Variants in DNAH11 observed in about 807,000 individuals in gnomAD.
The protein encoded by DNAH11 is dynein axonemal heavy chain 11.
DNAH11 carries 442 observed loss-of-function variants against 526.0 expected under a neutral mutation model. The observed-to-expected ratio is 0.84, with a 90% confidence interval of 0.78 to 0.91. The LOEUF is 0.91. Ranked by LOEUF, DNAH11 falls within the 40% of genes least tolerant of loss-of-function variation. DNAH11 has a pLI of 0.00. For missense variants in DNAH11, 6,989 were observed against 5,448.7 expected (o/e 1.28, Z -8.90); for synonymous variants, 2,461 against 1,935.9 (o/e 1.27, Z -7.12).
At chr7:21,631,327 C>G (rs1786596376) in intron 25 of DNAH11, among the ~76,000 whole-genome samples, 1 of 152,092 alleles carries the variant, frequency 6.6e-6, no homozygotes, top group Non-Finnish European at 1.5e-5. Context: ...TGGTCCCTCC[C>G]AAATCATGTC....
chr7:21,789,347 G>A lies in DNAH11; in HGVS notation c.10026+5G>A, dbSNP rs906748024. The A allele has an allele frequency of 1.9e-6, 3 of 1,557,120 alleles. No homozygotes were observed. The highest frequency in any genetic ancestry group is 1.4e-5 in the African/African-American group (1 of 73,212). On this transcript the variant is annotated splice_donor_5th_base_variant and intron_variant, in intron 61 of 81. Coordinates refer to ENST00000409508, the MANE Select transcript of DNAH11 (RefSeq NM_001277115.2). Reference sequence around the variant, plus strand: ...GCTATCAGGAAAAAGCTTGTGGTGAGTGCAAACTATGACATTGAAAAGGTT... The same window carrying A: ...GCTATCAGGAAAAAGCTTGTGGTGAATGCAAACTATGACATTGAAAAGGTT...
chr7:21,749,096 T>G (rs1017557829), intron 52 of DNAH11, among the ~76,000 whole-genome samples: 1 of 152,134 alleles, frequency 6.6e-6, no homozygotes, highest in African/African-American at 2.4e-5. Context: ...AAAAAGACAC[T>G]AACTTCACAA....
chr7:21,857,175 A>G (rs1782884299), intron 68 of DNAH11, among the ~76,000 whole-genome samples: 1 of 152,202 alleles, frequency 6.6e-6, no homozygotes. Context: ...TATACATGAG[A>G]AACAAGTGGA....
chr7:21,850,932 T>C (rs1314820488), intron 66 of DNAH11, among the ~76,000 whole-genome samples: 1 of 152,182 alleles, frequency 6.6e-6, no homozygotes, highest in African/African-American at 2.4e-5. Context: ...GTTGGTAAGG[T>C]ATTATGGAGG....
At chr7:21,800,461 A>G (rs1294187999) in intron 61 of DNAH11, among the ~76,000 whole-genome samples, 1 of 152,004 alleles carries the variant, frequency 6.6e-6, no homozygotes, top group Non-Finnish European at 1.5e-5. Context: ...GCGAAACCTC[A>G]TCTCCACTAA....
At chr7:21,635,500 T>C (rs557312109) in intron 25 of DNAH11, among the ~76,000 whole-genome samples, 4 of 152,102 alleles carry the variant, frequency 2.6e-5, no homozygotes, top group Non-Finnish European at 5.9e-5. Context: ...AATCTTGGCA[T>C]GACTAATAGG....
chr7:21,838,087 G>C (rs1462963390), intron 65 of DNAH11, among the ~76,000 whole-genome samples: 1 of 152,192 alleles, frequency 6.6e-6, no homozygotes, highest in Non-Finnish European at 1.5e-5. Context: ...AAAGCTGCTT[G>C]TGAGATCATT....
intron 35 of DNAH11, among the ~76,000 whole-genome samples, chr7:21,691,768 A>G (rs868560240): frequency 6.6e-5 from 10 of 152,210 alleles, no homozygotes; most frequent in Non-Finnish European, 1.3e-4. Flanking sequence ...GCTCTAAAAT[A>G]GTCCCTCTCA....
At chr7:21,755,274 C>G (rs1786579017) in intron 54 of DNAH11, among the ~76,000 whole-genome samples, 1 of 152,124 alleles carries the variant, frequency 6.6e-6, no homozygotes, top group African/African-American at 2.4e-5. Context: ...ATGCCAAATG[C>G]CTTCTCTCCT....
At chr7:21,550,587 C>G (rs909201303) in intron 2 of DNAH11, among the ~76,000 whole-genome samples, 16 of 152,078 alleles carry the variant, frequency 1.1e-4, no homozygotes, top group Non-Finnish European at 2.1e-4. Context: ...TGGTGATATA[C>G]TTTTGGAGAG....
At chr7:21,611,916 A>G (rs975406814) in intron 20 of DNAH11, among the ~76,000 whole-genome samples, 2 of 152,224 alleles carry the variant, frequency 1.3e-5, no homozygotes, top group Admixed American at 6.5e-5. Flanking sequence ...TTTATAGTGA[A>G]TAACTAGTTA....
intron 46 of DNAH11, among the ~76,000 whole-genome samples, chr7:21,736,254 G>C (rs1785604667): frequency 6.6e-6 from 1 of 152,210 alleles, no homozygotes; most frequent in Admixed American, 6.5e-5. Context: ...ACAGAGCCAA[G>C]AGTCATTAAT....
intron 70 of DNAH11, among the ~76,000 whole-genome samples, chr7:21,865,276 C>T (rs1783228083): frequency 6.6e-6 from 1 of 152,222 alleles, no homozygotes; most frequent in East Asian, 1.9e-4. Context: ...GGAAACATTT[C>T]TGTGCATTGG....
At chr7:21,574,963 C>G (rs1009673888) in intron 8 of DNAH11, among the ~76,000 whole-genome samples, 13 of 146,784 alleles carry the variant, frequency 8.9e-5, no homozygotes, top group African/African-American at 3.3e-4. Context: ...CAACCTCTGC[C>G]TCCCAGGTTC....
rs759084854 is a variant in DNAH11 at position 21,601,381 on chromosome 7, A to C, written c.3426-15A>C. The C allele has an allele frequency of 5.0e-6, 8 of 1,600,768 alleles. No homozygotes were observed. Among genetic ancestry groups the C allele is most frequent in the South Asian group, 2.2e-5 (2 of 89,728 alleles). On this transcript the variant is annotated splice_polypyrimidine_tract_variant and intron_variant, in intron 17 of 81. Transcript: ENST00000409508. Reference sequence around the variant, plus strand: ...ACTTAATTTGTGTGTATCTATGTACATATATATTTAATAGTCTGAATGAGC... The same window carrying C: ...ACTTAATTTGTGTGTATCTATGTACCTATATATTTAATAGTCTGAATGAGC...
rs573325908 is a variant in DNAH11 at position 21,693,502 on chromosome 7, C to G, written c.6041+2621C>G. Among the ~76,000 whole-genome samples, 3 of 152,298 alleles carry G rather than the reference C, an allele frequency of 2.0e-5. No homozygotes were observed. The South Asian group carries it at 6.2e-4, about 32-fold the overall frequency. On this transcript the variant is annotated intron_variant, in intron 35 of 81. Coordinates refer to ENST00000409508, the MANE Select transcript of DNAH11 (RefSeq NM_001277115.2). ...CATCATGAAGTAAGTTGACAAGTGT[C>G]TTCTCTATCTGCTTAAGAGTTTGTG... is the stretch of plus-strand genomic sequence containing the variant.
intron 28 of DNAH11, among the ~76,000 whole-genome samples, chr7:21,654,799 T>C (rs1463688288): frequency 6.6e-6 from 1 of 152,170 alleles, no homozygotes; most frequent in Non-Finnish European, 1.5e-5. Context: ...ACTTCCCTGA[T>C]TAATAAAGTC....
rs375704891 is a variant in DNAH11, at chr7:21,848,036, G to A, written c.10897-4431G>A. ...AAAAAAATTAGCTGGGCGTGGTGGCGGGTGCCTGTAGTCCCAGCTACTCGG... is the reference window on the plus strand; with the variant it reads ...AAAAAAATTAGCTGGGCGTGGTGGCAGGTGCCTGTAGTCCCAGCTACTCGG... On this transcript the variant is annotated intron_variant, in intron 66 of 81. Transcript: ENST00000409508. Among the ~76,000 whole-genome samples the A allele has an allele frequency of 7.9e-3, 1,207 of 151,882 alleles. 18 individuals are homozygous for A. Among genetic ancestry groups the A allele is most frequent in the African/African-American group, 0.027 (1,099 of 41,404 alleles).
chr7:21,572,465 T>G (rs1171047045), intron 8 of DNAH11, among the ~76,000 whole-genome samples: 1 of 152,204 alleles, frequency 6.6e-6, no homozygotes, highest in South Asian at 2.1e-4. Flanking sequence ...AGGGGGAACC[T>G]TTCTGATTTA....
Sources: gnomAD v4.1 joint callset for allele counts (sites outside exome capture counted in the v4.1 genomes callset) on GRCh38, gnomAD v4.1.1 for gene constraint, MANE v1.5 for transcripts, NCBI Gene and HGNC (gene_info 2026-07-23, HGNC 2026-07-21) for gene names.